The following MGST1 variants were observed in gnomAD, a reference collection of about 807,000 sequenced individuals.
MGST1 encodes glutathione S-transferase 12.
A neutral mutation model predicts 8.9 loss-of-function variants in MGST1; 5 were observed. The ratio of observed to expected loss-of-function variants is 0.56; its 90% CI spans 0.29 to 1.19. The LOEUF (loss-of-function observed/expected upper bound fraction) is 1.19, where lower values mean the gene tolerates loss of function less well. Among genes scored for constraint, MGST1 ranks in the 50% most tolerant of loss-of-function variants. The probability of loss-of-function intolerance (pLI) is 0.08; values close to 1 mark genes in which losing one functional copy is unlikely to be tolerated. For missense variants in MGST1, 182 were observed against 187.4 expected (o/e 0.97, Z 0.17); for synonymous variants, 54 against 67.8 (o/e 0.80, Z 1.00).
At chr12:16,470,874 A>T (rs1412592492) in intron 4 of MGST1, among the ~76,000 whole-genome samples, 10 of 152,206 alleles carry the variant, frequency 6.6e-5, no homozygotes, top group Non-Finnish European at 1.3e-4. Flanking sequence ...TTTTGAGATC[A>T]TTTAAAACAA....
chr12:16,399,636 C>G, intron 1 of MGST1: 1 of 1,605,958 alleles, frequency 6.2e-7, no homozygotes, highest in Admixed American at 1.7e-5. Flanking sequence ...TTCAGCATCA[C>G]TCCCCTCATC....
chr12:16,565,370 T>C (rs1187062165), intron 4 of MGST1, among the ~76,000 whole-genome samples: 1 of 152,210 alleles, frequency 6.6e-6, no homozygotes, highest in East Asian at 1.9e-4. Context: ...TTTTACTTTT[T>C]CAACTAAGGA....
At chr12:16,371,441 G>A (rs1324603276) in intron 3 of MGST1, among the ~76,000 whole-genome samples, 1 of 152,016 alleles carries the variant, frequency 6.6e-6, no homozygotes, top group Non-Finnish European at 1.5e-5. Context: ...AAAGAAAGAT[G>A]GTGAAACGAC....
chr12:16,479,391 C>T (rs1356089959), intron 4 of MGST1, among the ~76,000 whole-genome samples: 12 of 151,352 alleles, frequency 7.9e-5, no homozygotes, highest in South Asian at 4.2e-4. Context: ...CCCGCCACCA[C>T]GCCCGGCTAA....
chr12:16,378,066 G>A (rs1440442849), downstream of MGST1, among the ~76,000 whole-genome samples: 1 of 151,812 alleles, frequency 6.6e-6, no homozygotes, highest in African/African-American at 2.4e-5. Flanking sequence ...AGATGAGTAG[G>A]TTGCAAAAAT....
intron 4 of MGST1, among the ~76,000 whole-genome samples, chr12:16,461,730 G>A (rs1341985869): frequency 6.6e-6 from 1 of 152,002 alleles, no homozygotes; most frequent in African/African-American, 2.4e-5. Flanking sequence ...TTATCTCACA[G>A]GAACATTGAC....
chr12:16,371,166 G>T (rs1225030784), intron 3 of MGST1, among the ~76,000 whole-genome samples: 1 of 152,110 alleles, frequency 6.6e-6, no homozygotes, highest in East Asian at 1.9e-4. Context: ...CAAATAGAAT[G>T]CTTGGAAGTA....
chr12:16,479,010 A>G (rs1277223859), intron 4 of MGST1, among the ~76,000 whole-genome samples: 3 of 151,996 alleles, frequency 2.0e-5, no homozygotes, highest in Non-Finnish European at 4.4e-5. Context: ...TTGTGTCTTT[A>G]TGAATTTACC....
downstream of MGST1, among the ~76,000 whole-genome samples, chr12:16,368,405 G>A (rs145209150): frequency 2.2e-4 from 34 of 152,172 alleles, no homozygotes; most frequent in East Asian, 5.6e-3. Flanking sequence ...ATTTGCCTTG[G>A]GAGTCTTTAC....
chr12:16,558,978 A>ATATC (rs1942293357), intron 4 of MGST1, among the ~76,000 whole-genome samples: 1 of 152,122 alleles, frequency 6.6e-6, no homozygotes, highest in Non-Finnish European at 1.5e-5. Flanking sequence ...CACAGCTAAT[A>ATATC]TATCAGCTAA....
chr12:16,565,342 T>G (rs1942563512), intron 4 of MGST1, among the ~76,000 whole-genome samples: 1 of 152,222 alleles, frequency 6.6e-6, no homozygotes, highest in Non-Finnish European at 1.5e-5. Flanking sequence ...ACAAACATGC[T>G]TCTCATCTAC....
intron 4 of MGST1, among the ~76,000 whole-genome samples, chr12:16,450,544 A>G (rs565482102): frequency 6.6e-6 from 1 of 151,942 alleles, no homozygotes; most frequent in Non-Finnish European, 1.5e-5. Flanking sequence ...AATTCTAGGG[A>G]GAGGAGTGAG....
At chr12:16,386,222 A>G (rs978606661) in intron 1 of MGST1, among the ~76,000 whole-genome samples, 4 of 152,178 alleles carry the variant, frequency 2.6e-5, no homozygotes. Flanking sequence ...GTGATTTCCC[A>G]TTGCCACTAG....
At chr12:16,400,166 G>T in intron 1 of MGST1, 1 of 1,228,158 alleles carries the variant, frequency 8.1e-7, no homozygotes, top group Non-Finnish European at 1.2e-6. Flanking sequence ...TGCATATGTT[G>T]ATGTTTCCCT....
intron 4 of MGST1, among the ~76,000 whole-genome samples, chr12:16,485,888 G>A (rs1941396365): frequency 6.6e-6 from 1 of 152,076 alleles, no homozygotes; most frequent in Non-Finnish European, 1.5e-5. Flanking sequence ...AAAGAAGGTA[G>A]AAAAAAAGAA....
At chr12:16,441,423 T>G (rs1486798135), downstream of MGST1, among the ~76,000 whole-genome samples, 4 of 151,918 alleles carry the variant, frequency 2.6e-5, no homozygotes, top group African/African-American at 9.7e-5. Context: ...TGTTATGATA[T>G]CTATCCACTA....
rs180954734 is a variant in MGST1, at chr12:16,585,857, G to A, written n.483-3671G>A. On this transcript the variant is annotated intron_variant and non_coding_transcript_variant, in intron 4 of 4. Transcript: ENST00000538857. This position sits in a 1 kb window ranked among gnomAD's most constrained non-coding sequence, Gnocchi z 4.7. Reference sequence around the variant, plus strand: ...AAGAAAAGAGGGAAAATGTCAACATGTATATGATTCACAGGCCCAAGTAAA... The same window carrying A: ...AAGAAAAGAGGGAAAATGTCAACATATATATGATTCACAGGCCCAAGTAAA... Among the ~76,000 whole-genome samples the A allele has an allele frequency of 6.6e-6, 1 of 152,322 alleles. No individual in the cohort carries two copies. The highest frequency in any genetic ancestry group is 6.5e-5 in the Admixed American group (1 of 15,292).
At position 16,503,620 on chromosome 12, in the gene MGST1, G is replaced by T. The variant is rs1456005917; in HGVS notation, n.483-85908G>T. Among the ~76,000 whole-genome samples, 1 of 152,054 alleles carries T rather than the reference G, an allele frequency of 6.6e-6. No homozygotes were observed. The highest frequency in any genetic ancestry group is 1.5e-5 in the Non-Finnish European group (1 of 68,010). ...AGGCAGGACTTAATTCTGGAGGTAG[G>T]GCTTGAACCCCAGACCGAAAGGAGG... On this transcript the variant is annotated intron_variant and non_coding_transcript_variant, in intron 4 of 4. Transcript: ENST00000538857. This position sits in a 1 kb window ranked among gnomAD's most constrained non-coding sequence, Gnocchi z 4.8.
At chr12:16,429,673 T>C (rs553595548) in intron 1 of MGST1, among the ~76,000 whole-genome samples, 34 of 152,320 alleles carry the variant, frequency 2.2e-4, no homozygotes, top group South Asian at 1.0e-3. Flanking sequence ...AAGTATGCAA[T>C]ATTCTTATGT....
Sources: allele counts gnomAD v4.1 joint callset (sites outside exome capture counted in the v4.1 genomes callset), GRCh38; gene constraint gnomAD v4.1.1; non-coding constraint Gnocchi (gnomAD v3.1); transcripts MANE v1.5; gene names NCBI Gene and HGNC (gene_info 2026-07-23, HGNC 2026-07-21).